NBAS: variants seen among roughly 807,000 people sequenced by gnomAD.
NBAS encodes the protein NBAS subunit of NRZ tethering complex, also known as NAG/BC035112 fusion.
A neutral mutation model predicts 302.5 loss-of-function variants in NBAS; 219 were observed. That is an observed-to-expected ratio of 0.72 (90% CI 0.65 to 0.81). NBAS has a LOEUF of 0.81. Among genes scored for constraint, NBAS ranks in the 30% least tolerant of loss-of-function variants. The pLI is 0.00. For synonymous variants in NBAS, 1,118 were observed against 1,021.6 expected, an observed-to-expected ratio of 1.09 and a Z score of -1.80; for missense variants, 2,932 against 2,841.6, an observed-to-expected ratio of 1.03 and a Z score of -0.72.
the NBAS span, among the ~76,000 whole-genome samples, chr2:15,100,278 G>T: frequency 2.6e-4 from 39 of 152,138 alleles, no homozygotes; most frequent in Admixed American, 1.3e-4. Context: ...AATAGTAACT[G>T]TTCTACAGGA....
chr2:15,148,963 AAT>A, the NBAS span, among the ~76,000 whole-genome samples: 2 of 152,308 alleles, frequency 1.3e-5, no homozygotes, highest in Middle Eastern at 3.4e-3. Flanking sequence ...TAAGGTTTTT[AAT>A]AGAGTGTACT....
intron 2 of NBAS, 35 bp downstream of exon 2, chr2:15,558,545 C>T: frequency 1.3e-6 from 2 of 1,561,278 alleles, no homozygotes; most frequent in Non-Finnish European, 1.8e-6. Flanking sequence ...AACTGTTAAC[C>T]ATATCATTAC....
At chr2:14,802,916 C>A in the NBAS span, among the ~76,000 whole-genome samples, 1 of 140,050 alleles carries the variant, frequency 7.1e-6, no homozygotes. Flanking sequence ...GGAGGGATAG[C>A]ATTGGGAGAT....
At chr2:14,784,611 C>A in the NBAS span, among the ~76,000 whole-genome samples, 1 of 152,204 alleles carries the variant, frequency 6.6e-6, no homozygotes, top group East Asian at 1.9e-4. Flanking sequence ...TCAGCTTTGT[C>A]AAAGATCAGA....
At chr2:15,114,916 G>C in the NBAS span, among the ~76,000 whole-genome samples, 1 of 152,174 alleles carries the variant, frequency 6.6e-6, no homozygotes, top group Non-Finnish European at 1.5e-5. Flanking sequence ...AATACAAGAA[G>C]ATAGAGCTAA....
chr2:15,110,727 C>A, the NBAS span, among the ~76,000 whole-genome samples: 1 of 151,996 alleles, frequency 6.6e-6, no homozygotes, highest in Non-Finnish European at 1.5e-5. Flanking sequence ...TCAAGGTACC[C>A]CAAAGGAAAG....
the NBAS span, among the ~76,000 whole-genome samples, chr2:14,888,643 T>C: frequency 4.6e-5 from 7 of 152,312 alleles, 1 homozygote; most frequent in South Asian, 6.2e-4. Context: ...TAATAATGTA[T>C]AATTTAATAT....
chr2:14,949,959 A>C, the NBAS span, among the ~76,000 whole-genome samples: 1 of 152,198 alleles, frequency 6.6e-6, no homozygotes, highest in Non-Finnish European at 1.5e-5. Flanking sequence ...TGATGGAAGA[A>C]GTAAGACCTA....
chr2:15,169,215 C>G (rs1664175677), intron 51 of NBAS, among the ~76,000 whole-genome samples: 1 of 152,158 alleles, frequency 6.6e-6, no homozygotes, highest in Non-Finnish European at 1.5e-5. Context: ...AACACTTGTA[C>G]AGCCCACCTT....
At chr2:15,491,344 G>C (rs1411719257) in intron 11 of NBAS, among the ~76,000 whole-genome samples, 1 of 152,162 alleles carries the variant, frequency 6.6e-6, no homozygotes, top group Admixed American at 6.5e-5. Context: ...TGAACAAACA[G>C]GCCTTGCTAA....
intron 6 of NBAS, among the ~76,000 whole-genome samples, chr2:15,544,928 T>C (rs930222261): frequency 1.3e-5 from 2 of 152,060 alleles, no homozygotes; most frequent in Non-Finnish European, 2.9e-5. Context: ...TGAGAACTGC[T>C]TGAACCCAGG....
the NBAS span, among the ~76,000 whole-genome samples, chr2:15,006,080 T>C: frequency 2.6e-5 from 4 of 152,194 alleles, no homozygotes; most frequent in Admixed American, 6.5e-5. Flanking sequence ...TAAAATACTT[T>C]GTTTTAATAG....
At chr2:15,381,939 TC>T (rs1675054390) in intron 29 of NBAS, among the ~76,000 whole-genome samples, 2 of 152,198 alleles carry the variant, frequency 1.3e-5, no homozygotes, top group African/African-American at 4.8e-5. Flanking sequence ...AATTCTGATT[TC>T]ATCAATGGGT....
chr2:15,191,618 T>C (rs1213609953), intron 48 of NBAS, among the ~76,000 whole-genome samples: 1 of 152,118 alleles, frequency 6.6e-6, no homozygotes, highest in African/African-American at 2.4e-5. Flanking sequence ...ACTTTACAGA[T>C]GAGGAAACAG....
At chr2:15,199,469 A>G (rs990280595) in intron 48 of NBAS, among the ~76,000 whole-genome samples, 1 of 152,232 alleles carries the variant, frequency 6.6e-6, no homozygotes, top group Non-Finnish European at 1.5e-5. Flanking sequence ...AATATATTTC[A>G]TAAAGTATGA....
At chr2:15,508,979 T>G (rs1254509952) in intron 10 of NBAS, among the ~76,000 whole-genome samples, 1 of 152,066 alleles carries the variant, frequency 6.6e-6, no homozygotes, top group African/African-American at 2.4e-5. Context: ...CATGCTTACT[T>G]TAGACAGAGC....
chr2:14,939,179 G>A, the NBAS span, among the ~76,000 whole-genome samples: 2 of 152,228 alleles, frequency 1.3e-5, no homozygotes, highest in Non-Finnish European at 2.9e-5. Context: ...TGCTGCCCTG[G>A]CTTGGCCATA....
chr2:14,938,568 C>T, the NBAS span, among the ~76,000 whole-genome samples: 2 of 151,842 alleles, frequency 1.3e-5, no homozygotes, highest in Non-Finnish European at 2.9e-5. Flanking sequence ...CTATGATTTA[C>T]AAACAAAGTA....
chr2:15,183,557 T>C (rs1336584977), intron 50 of NBAS, among the ~76,000 whole-genome samples: 1 of 152,220 alleles, frequency 6.6e-6, no homozygotes, highest in East Asian at 1.9e-4. Context: ...TCATTCTCCT[T>C]AGAGAATAGA....
Sources: gnomAD v4.1 joint callset for allele counts (sites outside exome capture counted in the v4.1 genomes callset) on GRCh38, gnomAD v4.1.1 for gene constraint, MANE v1.5 for transcripts, NCBI Gene and HGNC (gene_info 2026-07-23, HGNC 2026-07-21) for gene names.